SLC22A25: variants seen among roughly 807,000 people sequenced by gnomAD.
SLC22A25 encodes MGI:2442751, MGI:2385316, MGI:3042283, MGI:3645714, MGI:3605624, MGI:2442750.
SLC22A25 carries 44 observed loss-of-function variants against 45.9 expected under a neutral mutation model. The ratio of observed to expected loss-of-function variants is 0.96; its 90% CI spans 0.75 to 1.23. The LOEUF (loss-of-function observed/expected upper bound fraction) is 1.23. Among genes scored for constraint, SLC22A25 ranks in the 50% most tolerant of loss-of-function variants. The pLI is 0.00. For synonymous variants in SLC22A25, 283 were observed against 238.6 expected, an observed-to-expected ratio of 1.19 and a Z score of -1.72; for missense variants, 800 against 666.4, an observed-to-expected ratio of 1.20 and a Z score of -2.21.
chr11:63,168,753 A>G (rs1260565424), intron 9 of SLC22A25, among the ~76,000 whole-genome samples: 1 of 152,212 alleles, frequency 6.6e-6, no homozygotes. Flanking sequence ...TCAGGACATT[A>G]TACAGGAGAA....
Position 63,170,117 on chromosome 11 carries a change from T to G in SLC22A25, c.1071-3859A>C, listed in dbSNP as rs570697018. Among the ~76,000 whole-genome samples, 33 of 152,176 alleles carry G rather than the reference T, an allele frequency of 2.2e-4. No homozygotes were observed. The South Asian group carries it at 6.2e-3, about 29-fold the overall frequency. On this transcript the variant is annotated intron_variant, in intron 9 of 11. Coordinates refer to ENST00000306494, the MANE Select transcript of SLC22A25 (RefSeq NM_199352.6). ...AAATAAAGAAGTTATTTGAAACGAA[T>G]GAGAACAAAGACAAAATGTATGAGA...
At chr11:63,184,815 G>A (rs2088461436) in intron 7 of SLC22A25, among the ~76,000 whole-genome samples, 1 of 152,078 alleles carries the variant, frequency 6.6e-6, no homozygotes, top group South Asian at 2.1e-4. Context: ...TACAATACTT[G>A]TTAAGGAAAG....
rs186203247 is a variant in SLC22A25, at chr11:63,236,472, G to C, written c.-445+1409C>G. 2.6e-5 allele frequency among the ~76,000 whole-genome samples: 4 copies of C among 152,180 alleles called. No homozygotes were observed. In the East Asian group the frequency reaches 7.7e-4, roughly 29 times the overall value. The stretch of plus-strand genomic sequence containing the variant: ...GTGGGATATAATCTCCTGGTGTGCC[G>C]TTTGTGAAGCCCATTGGAAAAGCAT... On this transcript the variant is annotated intron_variant, in intron 3 of 11. Coordinates refer to ENST00000306494, the MANE Select transcript of SLC22A25 (RefSeq NM_199352.6).
chr11:63,213,515 A>G (rs945919581), intron 7 of SLC22A25, among the ~76,000 whole-genome samples: 3 of 152,188 alleles, frequency 2.0e-5, no homozygotes, highest in Admixed American at 2.0e-4. Flanking sequence ...AGCTAGCCCT[A>G]GGTCAGAAGT....
intron 5 of SLC22A25, among the ~76,000 whole-genome samples, chr11:63,222,976 C>T (rs1467881831): frequency 6.6e-6 from 1 of 151,706 alleles, no homozygotes; most frequent in Non-Finnish European, 1.5e-5. Context: ...GTTCAAAATC[C>T]CACTTGGTCA....
intron 3 of SLC22A25, among the ~76,000 whole-genome samples, chr11:63,236,188 A>G (rs1043709226): frequency 1.4e-4 from 21 of 152,194 alleles, no homozygotes; most frequent in Non-Finnish European, 1.2e-4. Context: ...AGGGACATTT[A>G]AGTCTGCAGA....
intron 4 of SLC22A25, 88 bp downstream of exon 4, chr11:63,229,163 G>A: frequency 1.5e-6 from 2 of 1,361,308 alleles, no homozygotes; most frequent in Admixed American, 2.4e-5. Flanking sequence ...GCACCTACAT[G>A]TGACTAAAGG....
At chr11:63,206,623 A>C (rs543146159) in intron 7 of SLC22A25, among the ~76,000 whole-genome samples, 2 of 152,368 alleles carry the variant, frequency 1.3e-5, no homozygotes, top group Middle Eastern at 6.8e-3. Flanking sequence ...ACCACTGCTC[A>C]AGGAAATAAG....
chr11:63,212,704 A>G (rs896920178), intron 7 of SLC22A25, among the ~76,000 whole-genome samples: 1 of 151,890 alleles, frequency 6.6e-6, no homozygotes, highest in Non-Finnish European at 1.5e-5. Flanking sequence ...CTAATGTTAA[A>G]TGATGAGTTA....
intron 3 of SLC22A25, among the ~76,000 whole-genome samples, chr11:63,231,655 G>A (rs936006456): frequency 9.2e-5 from 14 of 152,088 alleles, no homozygotes; most frequent in Non-Finnish European, 1.3e-4. Context: ...CATTTAATTG[G>A]ACCCCATTTG....
At chr11:63,197,344 G>A (rs747547107) in intron 7 of SLC22A25, among the ~76,000 whole-genome samples, 1 of 152,152 alleles carries the variant, frequency 6.6e-6, no homozygotes, top group Non-Finnish European at 1.5e-5. Context: ...CACGCTACCT[G>A]ACTTCAAACT....
Position 63,228,408 on chromosome 11 carries a change from T to C in SLC22A25, c.506+53A>G. On this transcript the variant is annotated intron_variant, in intron 5 of 11. Transcript: ENST00000306494. ...AAAATATTTCTAGATGAAAAGTGTT[T>C]CATGAATTGATGAAAATACCCTTGA... The C allele has an allele frequency of 5.9e-6, 8 of 1,348,040 alleles. No homozygotes were observed. In the South Asian group the frequency reaches 1.0e-4, roughly 17 times the overall value. 83.5% of individuals were successfully genotyped at this position (1,348,040 alleles called of 1,614,324 possible).
In SLC22A25 at chr11:63,163,573, G is replaced by A. The variant is rs554559082; in HGVS notation, c.*251C>T. 6.6e-6 allele frequency among the ~76,000 whole-genome samples: 1 copy of A among 152,090 alleles called. No homozygotes were observed. Among genetic ancestry groups the A allele is most frequent in the Admixed American group, 6.5e-5 (1 of 15,270 alleles). The stretch of plus-strand genomic sequence containing the variant: ...GTTTGTAGAATACCTTCAAGAGTAT[G>A]CATGTCATACCAGGGCAGGAAGGGC... On this transcript the variant is annotated 3_prime_UTR_variant, in exon 12 of 12. Coordinates refer to ENST00000306494, the MANE Select transcript of SLC22A25 (RefSeq NM_199352.6).
chr11:63,222,482 A>T (rs1014669787), intron 5 of SLC22A25, among the ~76,000 whole-genome samples: 2 of 152,116 alleles, frequency 1.3e-5, no homozygotes, highest in Non-Finnish European at 2.9e-5. Context: ...TTATCCTGCA[A>T]CTTTACAGAA....
chr11:63,189,016 T>C (rs1401269966), intron 7 of SLC22A25, among the ~76,000 whole-genome samples: 1 of 152,218 alleles, frequency 6.6e-6, no homozygotes, highest in African/African-American at 2.4e-5. Context: ...GAAGAATGTA[T>C]ATTCTGTTGA....
intron 7 of SLC22A25, among the ~76,000 whole-genome samples, chr11:63,194,845 C>T (rs1465955627): frequency 6.1e-5 from 8 of 131,924 alleles, no homozygotes; most frequent in African/African-American, 2.0e-4. Context: ...CACACATAGG[C>T]TCAAAATAAA....
rs1352724791 is a variant in SLC22A25, at chr11:63,163,823, C to T, written c.*1G>A. The T allele has an allele frequency of 2.5e-6, 4 of 1,611,098 alleles. No homozygotes were observed. The highest frequency in any genetic ancestry group is 2.7e-5 in the African/African-American group (2 of 74,864). ...GGTGTTTTGCTTTCCTCAGCACAGA[C>T]CTATAGCACAGAGCTCCTCTGAGGG... is the stretch of plus-strand genomic sequence containing the variant. On this transcript the variant is annotated 3_prime_UTR_variant, in exon 12 of 12. Transcript: ENST00000306494.
chr11:63,219,827 TC>T, intron 5 of SLC22A25: 1 of 933,248 alleles, frequency 1.1e-6, no homozygotes, highest in South Asian at 1.4e-5. Context: ...CATGGCACTG[TC>T]CCAGAGAGCT....
intron 7 of SLC22A25, among the ~76,000 whole-genome samples, chr11:63,187,669 T>C (rs897604856): frequency 2.0e-5 from 3 of 152,196 alleles, no homozygotes; most frequent in Admixed American, 6.5e-5. Context: ...CAGTATGATA[T>C]TGGCTGTGGG....
Sources: allele counts gnomAD v4.1 joint callset (sites outside exome capture counted in the v4.1 genomes callset), GRCh38; gene constraint gnomAD v4.1.1; transcripts MANE v1.5; gene names NCBI Gene and HGNC (gene_info 2026-07-23, HGNC 2026-07-21).